ST6GALNAC3: variants seen among roughly 807,000 people sequenced by gnomAD.
The protein encoded by ST6GALNAC3 is ST6 N-acetylgalactosaminide alpha-2,6-sialyltransferase 3, also known as alpha-N-acetylgalactosaminide alpha-2,6-sialyltransferase 3.
ST6GALNAC3 carries 25 observed loss-of-function variants against 32.7 expected under a neutral mutation model. The ratio of observed to expected loss-of-function variants is 0.76; its 90% CI spans 0.56 to 1.07. The LOEUF (loss-of-function observed/expected upper bound fraction) is 1.07, where lower values mean the gene tolerates loss of function less well. ST6GALNAC3 is among the 50% of genes least tolerant of loss of function. The probability of loss-of-function intolerance (pLI) is 0.00; values close to 1 mark genes in which losing one functional copy is unlikely to be tolerated. For synonymous variants in ST6GALNAC3, 129 were observed against 133.1 expected (o/e 0.97, Z 0.21); for missense variants, 355 against 382.4 (o/e 0.93, Z 0.60).
chr1:76,112,739 G>C (rs1005609055), intron 1 of ST6GALNAC3, among the ~76,000 whole-genome samples: 2 of 151,802 alleles, frequency 1.3e-5, no homozygotes, highest in Non-Finnish European at 2.9e-5. Context: ...CATCCCAGAC[G>C]GGGCGGCAGG....
intron 1 of ST6GALNAC3, among the ~76,000 whole-genome samples, chr1:76,237,876 A>C (rs569096117): frequency 1.3e-5 from 2 of 152,246 alleles, no homozygotes; most frequent in East Asian, 1.9e-4. Context: ...AGATACTTCA[A>C]ACTCTCCACC....
At chr1:76,502,478 T>C (rs989228721) in intron 3 of ST6GALNAC3, among the ~76,000 whole-genome samples, 3 of 152,172 alleles carry the variant, frequency 2.0e-5, no homozygotes, top group African/African-American at 7.2e-5. Flanking sequence ...CTGAGGGCTG[T>C]GAGGGGCAGA....
intron 3 of ST6GALNAC3, among the ~76,000 whole-genome samples, chr1:76,478,998 T>G (rs190238654): frequency 5.9e-5 from 9 of 151,990 alleles, no homozygotes; most frequent in East Asian, 5.9e-4. Context: ...CTCCTGACCT[T>G]GTGATCTGCC....
chr1:76,095,212 G>T (rs1186482923), intron 1 of ST6GALNAC3, among the ~76,000 whole-genome samples: 1 of 151,828 alleles, frequency 6.6e-6, no homozygotes, highest in Non-Finnish European at 1.5e-5. Context: ...CTGCTGTACT[G>T]GTTGTTGTCA....
chr1:76,380,642 A>G (rs1651629471), intron 2 of ST6GALNAC3, among the ~76,000 whole-genome samples: 1 of 152,248 alleles, frequency 6.6e-6, no homozygotes, highest in Admixed American at 6.5e-5. Context: ...GAAATGAGAA[A>G]GAATGAAATG....
intron 3 of ST6GALNAC3, among the ~76,000 whole-genome samples, chr1:76,558,361 G>A (rs926217823): frequency 2.6e-5 from 4 of 152,060 alleles, no homozygotes; most frequent in African/African-American, 9.7e-5. Flanking sequence ...ATCAACAGTG[G>A]GCTGGATAAA....
At chr1:76,437,345 C>T (rs550874183) in intron 3 of ST6GALNAC3, among the ~76,000 whole-genome samples, 1 of 152,186 alleles carries the variant, frequency 6.6e-6, no homozygotes, top group East Asian at 2.0e-4. Context: ...ACACAGGGTT[C>T]TCAATGTGAG....
intron 2 of ST6GALNAC3, among the ~76,000 whole-genome samples, chr1:76,363,717 T>C (rs1650145445): frequency 6.6e-6 from 1 of 152,206 alleles, no homozygotes; most frequent in Non-Finnish European, 1.5e-5. Flanking sequence ...GGAAGCATGA[T>C]GCTGGCATCT....
At chr1:76,161,333 TCAA>T (rs1404433877) in intron 1 of ST6GALNAC3, among the ~76,000 whole-genome samples, 2 of 152,240 alleles carry the variant, frequency 1.3e-5, no homozygotes, top group Non-Finnish European at 2.9e-5. Flanking sequence ...TAACAGACTT[TCAA>T]GATTCTTTGC....
intron 1 of ST6GALNAC3, among the ~76,000 whole-genome samples, chr1:76,218,742 A>G (rs1364155247): frequency 6.6e-6 from 1 of 152,190 alleles, no homozygotes; most frequent in Non-Finnish European, 1.5e-5. Context: ...TTGCAGATGT[A>G]TGAATTAAGA....
At chr1:76,428,397 T>A (rs1377359109) in intron 3 of ST6GALNAC3, among the ~76,000 whole-genome samples, 1 of 152,022 alleles carries the variant, frequency 6.6e-6, no homozygotes, top group Non-Finnish European at 1.5e-5. Context: ...ATGAGAAAAA[T>A]TATACTTGAG....
At chr1:76,487,700 T>C (rs1178304236) in intron 3 of ST6GALNAC3, among the ~76,000 whole-genome samples, 3 of 152,164 alleles carry the variant, frequency 2.0e-5, no homozygotes, top group African/African-American at 4.8e-5. Context: ...AGAAGTTTGA[T>C]CATATGAAGC....
At chr1:76,279,989 CCTGT>C (rs1659405675) in intron 1 of ST6GALNAC3, among the ~76,000 whole-genome samples, 1 of 151,706 alleles carries the variant, frequency 6.6e-6, no homozygotes, top group Non-Finnish European at 1.5e-5. Flanking sequence ...CTGTCTCTCT[CCTGT>C]CTTTTCTCTC....
At chr1:76,599,303 T>G (rs1303327215) in intron 3 of ST6GALNAC3, among the ~76,000 whole-genome samples, 1 of 152,168 alleles carries the variant, frequency 6.6e-6, no homozygotes, top group African/African-American at 2.4e-5. Flanking sequence ...AATTATACTT[T>G]AAGTTCTGGG....
chr1:76,332,191 C>G (rs1051117006), intron 2 of ST6GALNAC3, among the ~76,000 whole-genome samples: 1 of 152,142 alleles, frequency 6.6e-6, no homozygotes, highest in Admixed American at 6.6e-5. Flanking sequence ...GAAAACAAGA[C>G]AGTTGGCTCA....
intron 3 of ST6GALNAC3, among the ~76,000 whole-genome samples, chr1:76,567,413 ATTTAC>A (rs1317266550): frequency 6.6e-6 from 1 of 152,184 alleles, no homozygotes; most frequent in Non-Finnish European, 1.5e-5. Context: ...ACCAGTTGTT[ATTTAC>A]TTATGACATT....
At chr1:76,201,152 A>T (rs1654493731) in intron 1 of ST6GALNAC3, among the ~76,000 whole-genome samples, 1 of 152,210 alleles carries the variant, frequency 6.6e-6, no homozygotes, top group South Asian at 2.1e-4. Context: ...GTTGTGTATT[A>T]GTCTGTTCTC....
chr1:76,155,735 C>T (rs1651369856), intron 1 of ST6GALNAC3, among the ~76,000 whole-genome samples: 1 of 152,040 alleles, frequency 6.6e-6, no homozygotes, highest in African/African-American at 2.4e-5. Context: ...CCTTGGCCTC[C>T]CAAAGTGCTG....
At chr1:76,482,139 T>TACACACACACACACACACAC in intron 3 of ST6GALNAC3, among the ~76,000 whole-genome samples, 1 of 147,128 alleles carries the variant, frequency 6.8e-6, no homozygotes, top group Admixed American at 6.8e-5. Flanking sequence ...AAATTTTCTT[T>TACACACACACACACACACAC]ACACACACAC....
Sources: allele counts gnomAD v4.1 joint callset (sites outside exome capture counted in the v4.1 genomes callset), GRCh38; gene constraint gnomAD v4.1.1; transcripts MANE v1.5; gene names NCBI Gene and HGNC (gene_info 2026-07-23, HGNC 2026-07-21).